UGGT2: variants seen among roughly 807,000 people sequenced by gnomAD.
UGGT2 encodes UDP-glucose glycoprotein glucosyltransferase 2.
UGGT2 carries 180 observed loss-of-function variants against 192.1 expected under a neutral mutation model. That is an observed-to-expected ratio of 0.94 (90% confidence interval 0.83 to 1.06). UGGT2 has a LOEUF of 1.06. UGGT2 is among the 50% of genes least tolerant of loss of function. The pLI, the probability that UGGT2 is intolerant of heterozygous loss-of-function variation, is 0.00. For synonymous variants in UGGT2, 580 were observed against 591.0 expected (o/e 0.98, Z 0.27); for missense variants, 1,849 against 1,795.7 (o/e 1.03, Z -0.54).
At chr13:95,843,670 GTTT>G (rs898601415) in intron 36 of UGGT2, among the ~76,000 whole-genome samples, 1 of 150,252 alleles carries the variant, frequency 6.7e-6, no homozygotes. Flanking sequence ...GGTTTTTGGG[GTTT>G]TTTTTTGGCA....
intron 9 of UGGT2, among the ~76,000 whole-genome samples, chr13:95,984,112 T>G (rs1227504415): frequency 6.6e-6 from 1 of 152,204 alleles, no homozygotes; most frequent in Non-Finnish European, 1.5e-5. Context: ...CATCATTTAC[T>G]ATGACTTATT....
intron 36 of UGGT2, among the ~76,000 whole-genome samples, chr13:95,846,344 A>G (rs1402478567): frequency 6.9e-6 from 1 of 145,858 alleles, no homozygotes; most frequent in Non-Finnish European, 1.5e-5. Flanking sequence ...AGAATCACGC[A>G]GGGAAGTTGC....
chr13:95,854,460 GATC>G lies in UGGT2; in HGVS notation c.4021_4023del (p.Asp1341del). ...AGATCGAAATCTCGAAGTTCTTTTA[GATC>G]ATGTCTCACAATCTAAATAATTAAA... On this transcript the variant is annotated inframe_deletion, in exon 35 of 39. Transcript: ENST00000376747. 1 of 1,608,120 alleles carries G rather than the reference GATC, an allele frequency of 6.2e-7. No homozygotes were observed. The highest frequency in any genetic ancestry group is 8.5e-7 in the Non-Finnish European group (1 of 1,178,038).
intron 12 of UGGT2, among the ~76,000 whole-genome samples, chr13:95,961,340 T>C (rs1296102981): frequency 6.6e-6 from 1 of 152,088 alleles, no homozygotes; most frequent in Non-Finnish European, 1.5e-5. Flanking sequence ...GACCCATCCA[T>C]ACACTGCCTT....
At chr13:96,017,420 T>C (rs899427214) in intron 4 of UGGT2, among the ~76,000 whole-genome samples, 3 of 152,222 alleles carry the variant, frequency 2.0e-5, no homozygotes, top group African/African-American at 7.2e-5. Flanking sequence ...CCTTCTGTCA[T>C]GGCTGTAAGG....
At chr13:95,838,830 G>C (rs1348629737) in intron 36 of UGGT2, among the ~76,000 whole-genome samples, 1 of 152,056 alleles carries the variant, frequency 6.6e-6, no homozygotes, top group East Asian at 1.9e-4. Flanking sequence ...ACTAGACCAA[G>C]TCTTCTATAC....
intron 33 of UGGT2, among the ~76,000 whole-genome samples, chr13:95,859,348 T>C (rs1189715620): frequency 1.3e-5 from 2 of 152,134 alleles, no homozygotes; most frequent in Non-Finnish European, 2.9e-5. Flanking sequence ...TTACTCATTA[T>C]CATGAAAAAC....
intron 12 of UGGT2, 131 bp downstream of exon 12, chr13:95,969,981 T>C: frequency 1.1e-6 from 1 of 929,996 alleles, no homozygotes; most frequent in East Asian, 2.6e-5. Flanking sequence ...GGTCTATAGT[T>C]TGACTTTCTC....
At chr13:95,995,838 A>T (rs2051600965) in intron 7 of UGGT2, 1 of 500,492 alleles carries the variant, frequency 2.0e-6, no homozygotes, top group Admixed American at 3.9e-5. Flanking sequence ...TTATCTCTTT[A>T]ATTGTGAAAT....
intron 24 of UGGT2, among the ~76,000 whole-genome samples, chr13:95,891,248 C>T (rs1016439431): frequency 4.6e-5 from 7 of 151,740 alleles, no homozygotes; most frequent in African/African-American, 1.2e-4. Flanking sequence ...AATTTTAGGC[C>T]CTCAACATTC....
At chr13:95,849,962 T>C (rs1171131031) in intron 36 of UGGT2, among the ~76,000 whole-genome samples, 10 of 151,030 alleles carry the variant, frequency 6.6e-5, no homozygotes, top group Admixed American at 5.3e-4. Flanking sequence ...ATTGTCTAAG[T>C]AGGCATTTGC....
At position 96,019,592 on chromosome 13, in the gene UGGT2, T is replaced by C. The variant is rs527687167; in HGVS notation, c.485+3448A>G. On this transcript the variant is annotated intron_variant, in intron 4 of 38. Coordinates refer to ENST00000376747, the MANE Select transcript of UGGT2 (RefSeq NM_020121.4). ...TCACACTTATCAGGGAATGGGTCTA[T>C]AATATGTACATCTAAAGGAGTAAAC... Among the ~76,000 whole-genome samples the C allele has an allele frequency of 2.0e-5, 3 of 152,262 alleles. No individual in the cohort carries two copies. The South Asian group carries it at 6.2e-4, about 32-fold the overall frequency.
At chr13:95,808,000 A>G (rs1398133742) in intron 38 of UGGT2, among the ~76,000 whole-genome samples, 4 of 151,998 alleles carry the variant, frequency 2.6e-5, no homozygotes, top group Non-Finnish European at 5.9e-5. Context: ...GGTCCTTATG[A>G]CACCCTGATC....
At position 95,894,760 on chromosome 13, in the gene UGGT2, T is replaced by A. The variant is rs2047899487; in HGVS notation, c.2760-103A>T. ...AAGGTTTTATATATCTGAACATGGT[T>A]AAATCTACCAAAGTAGACTGCAAAG... On this transcript the variant is annotated intron_variant, in intron 23 of 38. Coordinates refer to ENST00000376747, the MANE Select transcript of UGGT2 (RefSeq NM_020121.4). 6.5e-6 allele frequency: 6 copies of A among 926,106 alleles called. 1 individual carries two copies. The East Asian group carries it at 1.5e-4, about 23-fold the overall frequency. 57.4% of individuals were successfully genotyped at this position (926,106 alleles called of 1,614,324 possible). A position where few individuals can be genotyped will look rare whatever the true frequency, so the allele number is the denominator to read the frequency against.
chr13:95,812,935 A>G (rs190534543), intron 38 of UGGT2, among the ~76,000 whole-genome samples: 33 of 152,290 alleles, frequency 2.2e-4, no homozygotes, highest in Admixed American at 4.6e-4. Flanking sequence ...TGATTGAACT[A>G]TACATTTTGA....
chr13:95,929,326 A>G (rs1234571401), intron 17 of UGGT2, among the ~76,000 whole-genome samples: 2 of 152,262 alleles, frequency 1.3e-5, no homozygotes, highest in Non-Finnish European at 2.9e-5. Context: ...TCGAGGGTAC[A>G]CATGCAGATT....
chr13:95,980,823 CCT>C (rs1342699388), intron 10 of UGGT2, among the ~76,000 whole-genome samples: 1 of 152,082 alleles, frequency 6.6e-6, no homozygotes, highest in Non-Finnish European at 1.5e-5. Context: ...ATGGCGAAAC[CCT>C]GTCTCTACTA....
chr13:95,963,859 C>A (rs1348825053), intron 12 of UGGT2, among the ~76,000 whole-genome samples: 2 of 151,916 alleles, frequency 1.3e-5, no homozygotes. Flanking sequence ...TTGAAAAAGA[C>A]AGAAATAAAT....
chr13:95,982,154 T>G (rs1288680941), intron 10 of UGGT2, among the ~76,000 whole-genome samples: 1 of 152,208 alleles, frequency 6.6e-6, no homozygotes, highest in South Asian at 2.1e-4. Flanking sequence ...CATACTCAGG[T>G]TGCCAGCATG....
Sources: gnomAD v4.1 joint callset for allele counts (sites outside exome capture counted in the v4.1 genomes callset) on GRCh38, gnomAD v4.1.1 for gene constraint, MANE v1.5 for transcripts, NCBI Gene and HGNC (gene_info 2026-07-23, HGNC 2026-07-21) for gene names.